Variants in TUSC3 observed in about 807,000 individuals in gnomAD.
TUSC3 encodes the protein dolichyl-diphosphooligosaccharide--protein glycosyltransferase subunit TUSC3.
Under a neutral mutation model 44.8 loss-of-function variants are expected in TUSC3, and 45 were observed. The observed-to-expected ratio is 1.00, with a 90% CI of 0.79 to 1.29. The LOEUF is 1.29. Among genes scored for constraint, TUSC3 ranks in the 50% most tolerant of loss-of-function variants. TUSC3 has a pLI of 0.00. For synonymous variants in TUSC3, 212 were observed against 152.9 expected, an observed-to-expected ratio of 1.39 and a Z score of -2.85; for missense variants, 519 against 437.9, an observed-to-expected ratio of 1.19 and a Z score of -1.65.
chr8:15,491,685 G>C (rs1174713693), intron 2 of TUSC3, among the ~76,000 whole-genome samples: 2 of 152,148 alleles, frequency 1.3e-5, no homozygotes, highest in African/African-American at 4.8e-5. Context: ...GAAGAGGCTG[G>C]AGAAACTAAG....
At chr8:15,630,572 G>GTAAC (rs1305108169) in intron 2 of TUSC3, among the ~76,000 whole-genome samples, 2 of 152,114 alleles carry the variant, frequency 1.3e-5, no homozygotes, top group African/African-American at 2.4e-5. Context: ...CACACAGCTA[G>GTAAC]TAACTGTTCA....
the TUSC3 span, among the ~76,000 whole-genome samples, chr8:15,793,996 GAAGA>G: frequency 2.6e-5 from 4 of 152,208 alleles, no homozygotes; most frequent in South Asian, 8.3e-4. Context: ...GCCTCCTAAA[GAAGA>G]AAGAGTCAGA....
chr8:15,730,264 T>C (rs1009750442), intron 6 of TUSC3, among the ~76,000 whole-genome samples: 1 of 152,170 alleles, frequency 6.6e-6, no homozygotes, highest in South Asian at 2.1e-4. Flanking sequence ...TTAAAAACTT[T>C]GATAATGTGG....
intron 2 of TUSC3, among the ~76,000 whole-genome samples, chr8:15,638,395 TATC>T (rs1209454415): frequency 6.6e-6 from 1 of 152,180 alleles, no homozygotes; most frequent in Non-Finnish European, 1.5e-5. Flanking sequence ...CTTTGTTGGT[TATC>T]ATTATCCTAC....
At chr8:15,835,874 T>C in the TUSC3 span, among the ~76,000 whole-genome samples, 1 of 152,088 alleles carries the variant, frequency 6.6e-6, no homozygotes, top group Admixed American at 6.5e-5. Context: ...AATTTTCTGA[T>C]ATTGATGTAT....
intron 2 of TUSC3, among the ~76,000 whole-genome samples, chr8:15,641,870 C>G (rs1221011313): frequency 6.6e-6 from 1 of 151,914 alleles, no homozygotes; most frequent in Non-Finnish European, 1.5e-5. Flanking sequence ...AAGGCCTTGC[C>G]AAAAATGAAA....
the TUSC3 span, among the ~76,000 whole-genome samples, chr8:15,802,699 T>C: frequency 2.0e-5 from 3 of 151,910 alleles, no homozygotes; most frequent in African/African-American, 7.2e-5. Context: ...ATGCCCCTAC[T>C]GGTCATATAG....
chr8:15,550,714 C>T (rs1411296522), intron 1 of TUSC3, among the ~76,000 whole-genome samples: 2 of 151,476 alleles, frequency 1.3e-5, no homozygotes, highest in Non-Finnish European at 2.9e-5. Context: ...CACTGTCACC[C>T]AGGTTGGAGT....
intron 2 of TUSC3, among the ~76,000 whole-genome samples, chr8:15,521,424 T>C (rs1050470455): frequency 1.3e-5 from 2 of 152,088 alleles, no homozygotes; most frequent in African/African-American, 4.8e-5. Flanking sequence ...GCACATCCTT[T>C]ACAAGGATGT....
chr8:15,733,557 A>G (rs1183679101), intron 7 of TUSC3: 1 of 228,248 alleles, frequency 4.4e-6, no homozygotes, highest in Non-Finnish European at 8.9e-6. Flanking sequence ...GAGATTTAGG[A>G]TTCAAATAAA....
At chr8:15,638,885 G>A (rs1274886568) in intron 2 of TUSC3, among the ~76,000 whole-genome samples, 1 of 152,136 alleles carries the variant, frequency 6.6e-6, no homozygotes, top group Non-Finnish European at 1.5e-5. Flanking sequence ...TAGATCACGT[G>A]ATGTTCAGGG....
chr8:15,709,336 G>A (rs773167592), intron 6 of TUSC3, among the ~76,000 whole-genome samples: 4 of 151,864 alleles, frequency 2.6e-5, no homozygotes, highest in Non-Finnish European at 5.9e-5. Context: ...CAATCTGAAA[G>A]CTTTTACCCC....
At chr8:15,623,842 G>A (rs1585164613) in intron 2 of TUSC3, among the ~76,000 whole-genome samples, 1 of 152,104 alleles carries the variant, frequency 6.6e-6, no homozygotes, top group African/African-American at 2.4e-5. Flanking sequence ...GTGGTAACCT[G>A]TTGTAAAACT....
chr8:15,822,902 A>G, the TUSC3 span, among the ~76,000 whole-genome samples: 112 of 152,244 alleles, frequency 7.4e-4, no homozygotes, highest in East Asian at 0.017. Flanking sequence ...GCTTGTTTGC[A>G]GTGGATTGAA....
the TUSC3 span, among the ~76,000 whole-genome samples, chr8:15,843,392 A>G: frequency 1.3e-5 from 2 of 152,106 alleles, no homozygotes; most frequent in Non-Finnish European, 2.9e-5. Context: ...GTTTTAAGAA[A>G]TTCTGCAGAA....
chr8:15,522,138 C>G (rs1017401449), intron 2 of TUSC3, among the ~76,000 whole-genome samples: 40 of 152,068 alleles, frequency 2.6e-4, no homozygotes, highest in African/African-American at 9.4e-4. Flanking sequence ...GGAATCAGGT[C>G]AAGAGTTTTT....
intron 6 of TUSC3, among the ~76,000 whole-genome samples, chr8:15,712,902 A>G (rs1396740058): frequency 2.0e-5 from 3 of 152,110 alleles, no homozygotes; most frequent in Non-Finnish European, 4.4e-5. Flanking sequence ...TCCTCGGTAC[A>G]GTTCAGTCTG....
At chr8:15,532,906 C>T (rs1038548093) in intron 2 of TUSC3, among the ~76,000 whole-genome samples, 1 of 152,200 alleles carries the variant, frequency 6.6e-6, no homozygotes, top group African/African-American at 2.4e-5. Context: ...GATTCTCCTG[C>T]CTCCACTTCT....
intron 2 of TUSC3, among the ~76,000 whole-genome samples, chr8:15,641,178 G>C (rs918216328): frequency 6.6e-6 from 1 of 151,562 alleles, no homozygotes; most frequent in East Asian, 2.0e-4. Flanking sequence ...GGCCAACATG[G>C]TGAAACCCCT....
Sources: gnomAD v4.1 joint callset for allele counts (sites outside exome capture counted in the v4.1 genomes callset) on GRCh38, gnomAD v4.1.1 for gene constraint, MANE v1.5 for transcripts, NCBI Gene and HGNC (gene_info 2026-07-23, HGNC 2026-07-21) for gene names.